The following KCNIP4 variants were observed in gnomAD, a reference collection of about 807,000 sequenced individuals.
KCNIP4 encodes potassium voltage-gated channel interacting protein 4.
KCNIP4 carries 12 observed loss-of-function variants against 34.0 expected under a neutral mutation model. The observed-to-expected ratio is 0.35, with a 90% CI of 0.23 to 0.57. The LOEUF (loss-of-function observed/expected upper bound fraction) is 0.57. Among genes scored for constraint, KCNIP4 ranks in the 20% least tolerant of loss-of-function variants. KCNIP4 has a pLI of 0.83. For synonymous variants in KCNIP4, 124 were observed against 102.2 expected (o/e 1.21, Z -1.29); for missense variants, 238 against 311.7 (o/e 0.76, Z 1.78).
At chr4:21,535,176 ATCAGGCTGACCAAGTTCCAT>A (rs575469252) in intron 1 of KCNIP4, among the ~76,000 whole-genome samples, 64 of 152,308 alleles carry the variant, frequency 4.2e-4, no homozygotes, top group Admixed American at 7.8e-4. Context: ...TTAGGCTTAA[ATCAGGCTGACCAAGTTCCAT>A]TCAGTAGGCA....
chr4:21,311,274 G>A lies in KCNIP4; in HGVS notation c.62-428565C>T, dbSNP rs116936352. ...CCACTATATGGATAAGAAGGACTAG[G>A]GCATCTGCAATTGAGGTGGAATTCT... On this transcript the variant is annotated intron_variant, in intron 1 of 8. Transcript: ENST00000382152. Among the ~76,000 whole-genome samples the A allele has an allele frequency of 7.4e-4, 113 of 152,152 alleles. 1 individual carries two copies. The East Asian group carries it at 0.01, about 14-fold the overall frequency.
chr4:21,433,710 T>C (rs1726701492), intron 1 of KCNIP4, among the ~76,000 whole-genome samples: 1 of 152,200 alleles, frequency 6.6e-6, no homozygotes, highest in Non-Finnish European at 1.5e-5. Context: ...CCTTCTAGTC[T>C]ATCTCCAATA....
intron 1 of KCNIP4, among the ~76,000 whole-genome samples, chr4:21,642,774 C>A (rs1746705085): frequency 6.6e-6 from 1 of 152,048 alleles, no homozygotes; most frequent in Non-Finnish European, 1.5e-5. Context: ...AAGGAAGTTA[C>A]AGTGCTGGCT....
chr4:21,250,206 C>T (rs1335856073), intron 1 of KCNIP4, among the ~76,000 whole-genome samples: 5 of 110,110 alleles, frequency 4.5e-5, no homozygotes, highest in Non-Finnish European at 9.2e-5. Flanking sequence ...TCGCAGAGAT[C>T]TTAGGACTGT....
intron 1 of KCNIP4, among the ~76,000 whole-genome samples, chr4:21,511,748 G>C (rs1469825467): frequency 6.6e-6 from 1 of 152,094 alleles, no homozygotes; most frequent in Non-Finnish European, 1.5e-5. Flanking sequence ...TTTAAACTGT[G>C]GCTTTCAAAG....
rs1261564926 is a variant in KCNIP4, at chr4:21,371,469, C to T, written c.62-488760G>A. 8.2e-5 allele frequency among the ~76,000 whole-genome samples: 12 copies of T among 146,894 alleles called. 3 individuals are homozygous for T. The highest frequency in any genetic ancestry group is 3.3e-4 in the African/African-American group (12 of 36,630). ...CTGGAATCAATCTGCTTACCAGGTG[C>T]ACACTCTATCACATACTATCTCTGT... is the stretch of plus-strand genomic sequence containing the variant. On this transcript the variant is annotated intron_variant, in intron 1 of 8. Transcript: ENST00000382152.
At chr4:21,066,063 AAAAC>A (rs560095559) in intron 1 of KCNIP4, among the ~76,000 whole-genome samples, 1,570 of 151,998 alleles carry the variant, frequency 0.01, 22 homozygotes, top group African/African-American at 0.035. Flanking sequence ...CCCTAGGGTA[AAAAC>A]AAACAAACAA....
intron 1 of KCNIP4, among the ~76,000 whole-genome samples, chr4:21,031,457 G>T (rs1342030050): frequency 1.3e-5 from 2 of 152,150 alleles, no homozygotes; most frequent in Non-Finnish European, 2.9e-5. Context: ...TTGTTTGATT[G>T]CTATCTTTTA....
intron 1 of KCNIP4, among the ~76,000 whole-genome samples, chr4:20,993,731 C>T (rs867744150): frequency 2.6e-5 from 4 of 152,146 alleles, no homozygotes; most frequent in Admixed American, 6.5e-5. Context: ...ATTTGTTTCC[C>T]GTTGCTGCTA....
intron 1 of KCNIP4, among the ~76,000 whole-genome samples, chr4:21,774,692 G>A (rs1719052195): frequency 6.6e-6 from 1 of 151,924 alleles, no homozygotes; most frequent in South Asian, 2.1e-4. Context: ...TTTCAGTAAG[G>A]TAGTCTTCAA....
chr4:21,251,770 C>T (rs1490331873), intron 1 of KCNIP4, among the ~76,000 whole-genome samples: 1 of 151,046 alleles, frequency 6.6e-6, no homozygotes, highest in African/African-American at 2.4e-5. Flanking sequence ...GAACAAAAAA[C>T]CAAACACCGC....
At chr4:20,798,647 C>T (rs1212355383) in intron 3 of KCNIP4, among the ~76,000 whole-genome samples, 1 of 152,088 alleles carries the variant, frequency 6.6e-6, no homozygotes, top group African/African-American at 2.4e-5. Context: ...AGCATAGAAA[C>T]CCAGGATGGC....
At chr4:20,975,460 G>T (rs1365148668) in intron 1 of KCNIP4, among the ~76,000 whole-genome samples, 1 of 152,152 alleles carries the variant, frequency 6.6e-6, no homozygotes, top group Non-Finnish European at 1.5e-5. Context: ...TTGACTCATT[G>T]TATGACAATA....
At chr4:21,500,686 A>G (rs1424167609) in intron 1 of KCNIP4, among the ~76,000 whole-genome samples, 1 of 152,186 alleles carries the variant, frequency 6.6e-6, no homozygotes, top group African/African-American at 2.4e-5. Flanking sequence ...CAAACTCAAC[A>G]GTAAAAGTAC....
At chr4:21,802,779 T>C (rs1366701707) in intron 1 of KCNIP4, among the ~76,000 whole-genome samples, 2 of 152,102 alleles carry the variant, frequency 1.3e-5, no homozygotes, top group Non-Finnish European at 2.9e-5. Context: ...TCCAATAACA[T>C]CTAAAAAAGA....
chr4:20,838,048 T>C (rs112538471), intron 3 of KCNIP4, among the ~76,000 whole-genome samples: 5 of 152,220 alleles, frequency 3.3e-5, no homozygotes, highest in African/African-American at 1.2e-4. Flanking sequence ...AGAGTAATGC[T>C]GTTAAAGTTG....
intron 1 of KCNIP4, among the ~76,000 whole-genome samples, chr4:21,361,283 A>G (rs1477344988): frequency 6.6e-6 from 1 of 152,102 alleles, no homozygotes; most frequent in Non-Finnish European, 1.5e-5. Context: ...AATGATGATA[A>G]TAACAGTCCC....
intron 1 of KCNIP4, among the ~76,000 whole-genome samples, chr4:21,761,960 A>T (rs1011889558): frequency 1.3e-5 from 2 of 152,140 alleles, no homozygotes; most frequent in Non-Finnish European, 2.9e-5. Flanking sequence ...ATATTTAATG[A>T]AATAATTTTA....
intron 1 of KCNIP4, among the ~76,000 whole-genome samples, chr4:20,937,650 A>T (rs2149612543): frequency 6.6e-6 from 1 of 152,250 alleles, no homozygotes; most frequent in East Asian, 1.9e-4. Flanking sequence ...GTTTCTCATC[A>T]CATAAGAAGA....
Sources: allele counts gnomAD v4.1 joint callset (sites outside exome capture counted in the v4.1 genomes callset), GRCh38; gene constraint gnomAD v4.1.1; transcripts MANE v1.5; gene names NCBI Gene and HGNC (gene_info 2026-07-23, HGNC 2026-07-21).